Variants in ECPAS observed in about 807,000 individuals in gnomAD.
ECPAS encodes proteasome adapter and scaffold protein ECM29.
In ECPAS, 70 loss-of-function variants were observed where a neutral mutation model predicts 255.1. The observed-to-expected ratio is 0.27, with a 90% CI of 0.23 to 0.33. The LOEUF is 0.33. Among genes scored for constraint, ECPAS ranks in the 10% least tolerant of loss-of-function variants. The pLI, the probability that ECPAS is intolerant of heterozygous loss-of-function variation, is 1.00. For synonymous variants in ECPAS, 784 were observed against 775.0 expected, an observed-to-expected ratio of 1.01 and a Z score of -0.19; for missense variants, 1,817 against 2,206.4, an observed-to-expected ratio of 0.82 and a Z score of 3.54.
intron 3 of ECPAS, among the ~76,000 whole-genome samples, chr9:111,445,002 T>G (rs1306317435): frequency 6.7e-6 from 1 of 148,760 alleles, no homozygotes; most frequent in Non-Finnish European, 1.5e-5. Flanking sequence ...CTTTTTTTTT[T>G]TTTTTTTTTT....
At position 111,438,875 on chromosome 9, in the gene ECPAS, T is replaced by C. The variant is rs899329771; in HGVS notation, c.539+1497A>G. Among the ~76,000 whole-genome samples, 4 of 152,246 alleles carry C rather than the reference T, an allele frequency of 2.6e-5. No homozygotes were observed. The South Asian group carries it at 8.3e-4, about 32-fold the overall frequency. ...ATCACACCGCATGAACTCTCATTTC[T>C]GGATTGAGAAACAAATGATATGGAG... On this transcript the variant is annotated intron_variant, in intron 6 of 49. Coordinates refer to ENST00000684092, the MANE Select transcript of ECPAS (RefSeq NM_001364929.1).
intron 24 of ECPAS, among the ~76,000 whole-genome samples, chr9:111,407,432 A>AAAC (rs2098186564): frequency 1.4e-5 from 2 of 142,760 alleles, no homozygotes; most frequent in Non-Finnish European, 3.1e-5. Context: ...AAAAAAAAAA[A>AAAC]AAAAAACCTA....
At chr9:111,368,588 G>A (rs1415736806) in intron 46 of ECPAS, among the ~76,000 whole-genome samples, 1 of 152,130 alleles carries the variant, frequency 6.6e-6, no homozygotes, top group Admixed American at 6.6e-5. Context: ...AGCCTTTAAA[G>A]AGGTCATATG....
At chr9:111,435,096 ACT>A (rs1259696187) in intron 7 of ECPAS, among the ~76,000 whole-genome samples, 2 of 147,096 alleles carry the variant, frequency 1.4e-5, no homozygotes, top group African/African-American at 5.0e-5. Context: ...ACGGGGTCTC[ACT>A]CTGTTGCTCA....
At chr9:111,432,253 A>G (rs2098231098) in intron 8 of ECPAS, among the ~76,000 whole-genome samples, 1 of 152,208 alleles carries the variant, frequency 6.6e-6, no homozygotes, top group Admixed American at 6.5e-5. Context: ...TTTATGATTC[A>G]TTACTTATTG....
rs756503109 is a variant in ECPAS at position 111,484,302 on chromosome 9, C to T, written c.-269G>A. On this transcript the variant is annotated 5_prime_UTR_variant, in exon 1 of 50. Transcript: ENST00000684092. ...AATCCTCGAGGCGGGGCCGGAGCGC[C>T]CTTTTCCGAGGTCTGCGGCTGTCAC... 2.6e-6 allele frequency: 4 copies of T among 1,565,514 alleles called. No individual in the cohort carries two copies. The Admixed American group carries it at 5.8e-5, about 23-fold the overall frequency.
chr9:111,412,707 A>G (rs1353393744), intron 20 of ECPAS, among the ~76,000 whole-genome samples: 1 of 152,214 alleles, frequency 6.6e-6, no homozygotes, highest in African/African-American at 2.4e-5. Flanking sequence ...AAGTTCAATA[A>G]AATCATTTTA....
rs535017220 is a variant in ECPAS at position 111,363,044 on chromosome 9, AAAG to A, written c.5380+541_5380+543del. ...AAACAATTTGAGAGAGAGAGAGAAA[AAAG>A]AAGAGGGTCCTCCTTCTGAAGTCAG... is the stretch of plus-strand genomic sequence containing the variant. On this transcript the variant is annotated intron_variant, in intron 49 of 49. Coordinates refer to ENST00000684092, the MANE Select transcript of ECPAS (RefSeq NM_001364929.1). 1.9e-3 allele frequency among the ~76,000 whole-genome samples: 283 copies of A among 152,252 alleles called. 4 individuals are homozygous for A. The highest frequency in any genetic ancestry group is 6.0e-3 in the African/African-American group (250 of 41,564).
At chr9:111,461,442 G>C (rs1053285449) in intron 2 of ECPAS, among the ~76,000 whole-genome samples, 4 of 152,120 alleles carry the variant, frequency 2.6e-5, no homozygotes, top group African/African-American at 9.7e-5. Flanking sequence ...TCCAGCCTGA[G>C]CAAAAGAGCA....
rs763300522 is a variant in ECPAS at position 111,484,343 on chromosome 9, C to T, written c.-310G>A. 26 of 1,608,534 alleles carry T rather than the reference C, an allele frequency of 1.6e-5. No homozygotes were observed. The East Asian group carries it at 5.8e-4, about 36-fold the overall frequency. On this transcript the variant is annotated 5_prime_UTR_variant, in exon 1 of 50. Coordinates refer to ENST00000684092, the MANE Select transcript of ECPAS (RefSeq NM_001364929.1). ...CGGCTGTCACGTTGGCTGGGCCCGACCTGGGGAAACACGCCTGTCCAAAGG... is the reference window on the plus strand; with the variant it reads ...CGGCTGTCACGTTGGCTGGGCCCGATCTGGGGAAACACGCCTGTCCAAAGG...
At chr9:111,437,194 G>T in intron 6 of ECPAS, 86 bp from the exon 7 acceptor site, 1 of 1,052,250 alleles carries the variant, frequency 9.5e-7, no homozygotes, top group Non-Finnish European at 1.3e-6. Context: ...ATCATATACT[G>T]TCCTCCTACT....
intron 2 of ECPAS, among the ~76,000 whole-genome samples, chr9:111,462,897 C>T (rs1191108127): frequency 2.6e-5 from 4 of 152,026 alleles, no homozygotes; most frequent in Admixed American, 2.6e-4. Context: ...CATGCGCCAC[C>T]ACACCTGGCT....
At chr9:111,428,018 T>C (rs1564538568) in intron 10 of ECPAS, 24 bp downstream of exon 10, 2 of 1,609,458 alleles carry the variant, frequency 1.2e-6, no homozygotes, top group Non-Finnish European at 1.7e-6. Context: ...GACAGGCCAA[T>C]ATTCTCTGGA....
chr9:111,422,400 A>C (rs2098215417), intron 13 of ECPAS, among the ~76,000 whole-genome samples, 200 bp from the exon 14 acceptor site: 1 of 152,172 alleles, frequency 6.6e-6, no homozygotes, highest in African/African-American at 2.4e-5. Flanking sequence ...CATCTTCCAA[A>C]TATCCCCTCT....
At chr9:111,396,547 T>C (rs2098167923) in intron 25 of ECPAS, among the ~76,000 whole-genome samples, 1 of 152,198 alleles carries the variant, frequency 6.6e-6, no homozygotes, top group East Asian at 1.9e-4. Flanking sequence ...ACTAATTTCA[T>C]GCTGTCTGCT....
intron 48 of ECPAS, chr9:111,365,907 G>A (rs1358367741): frequency 4.6e-6 from 1 of 217,956 alleles, no homozygotes; most frequent in African/African-American, 2.3e-5. Flanking sequence ...GGCACAAAAT[G>A]TTAACAAATG....
chr9:111,412,259 A>G, intron 20 of ECPAS, 111 bp from the exon 21 acceptor site: 1 of 913,326 alleles, frequency 1.1e-6, no homozygotes, highest in South Asian at 2.5e-5. Flanking sequence ...ATATTGAGAA[A>G]AAAACAAGCC....
chr9:111,475,032 T>C (rs1461332236), intron 1 of ECPAS, among the ~76,000 whole-genome samples: 1 of 152,204 alleles, frequency 6.6e-6, no homozygotes, highest in East Asian at 1.9e-4. Flanking sequence ...CAAGCTATTT[T>C]TCCTTTAGCC....
chr9:111,411,201 ATGGCAGTAACTG>A, intron 21 of ECPAS, 59 bp from the exon 22 acceptor site: 2 of 1,533,960 alleles, frequency 1.3e-6, no homozygotes, highest in Non-Finnish European at 1.8e-6. Context: ...GCAAGAATAC[ATGGCAGTAACTG>A]TGTGTCGATT....
Sources: allele counts gnomAD v4.1 joint callset (sites outside exome capture counted in the v4.1 genomes callset), GRCh38; gene constraint gnomAD v4.1.1; transcripts MANE v1.5; gene names NCBI Gene and HGNC (gene_info 2026-07-23, HGNC 2026-07-21).